The following KANK4 variants were observed in gnomAD, a reference collection of about 807,000 sequenced individuals.
KANK4 encodes the protein KN motif and ankyrin repeat domains 4, also known as KN motif and ankyrin repeat domain-containing protein 4.
A neutral mutation model predicts 80.8 loss-of-function variants in KANK4; 50 were observed. The observed-to-expected ratio is 0.62, with a 90% CI of 0.49 to 0.78. The LOEUF (loss-of-function observed/expected upper bound fraction) is 0.78. Among genes scored for constraint, KANK4 ranks in the 30% least tolerant of loss-of-function variants. The pLI is 0.00. For missense variants in KANK4, 1,196 were observed against 1,240.1 expected (o/e 0.96, Z 0.53); for synonymous variants, 465 against 506.9 (o/e 0.92, Z 1.11).
intron 2 of KANK4, among the ~76,000 whole-genome samples, chr1:62,279,196 G>GCACACACACA (rs1457451049): frequency 7.7e-5 from 4 of 51,674 alleles, no homozygotes; most frequent in African/African-American, 2.5e-4. Context: ...AAGCTAGCGC[G>GCACACACACA]CGCACACACA....
At chr1:62,303,268 G>C (rs1434091163) in intron 1 of KANK4, among the ~76,000 whole-genome samples, 1 of 152,072 alleles carries the variant, frequency 6.6e-6, no homozygotes, top group Non-Finnish European at 1.5e-5. Flanking sequence ...AAATGGGACA[G>C]TAAAGTTTAA....
chr1:62,271,829 T>G, intron 3 of KANK4: 1 of 436,096 alleles, frequency 2.3e-6, no homozygotes, highest in Non-Finnish European at 4.3e-6. Flanking sequence ...TGAAGAACCA[T>G]GTGGCGTAGG....
chr1:62,246,738 C>T (rs1010452769), intron 9 of KANK4, among the ~76,000 whole-genome samples: 1 of 152,000 alleles, frequency 6.6e-6, no homozygotes, highest in Middle Eastern at 3.2e-3. Context: ...GCTGGGATTA[C>T]AGGCGTGCAC....
intron 1 of KANK4, among the ~76,000 whole-genome samples, chr1:62,311,425 C>A (rs1644497882): frequency 6.6e-6 from 1 of 152,132 alleles, no homozygotes; most frequent in Non-Finnish European, 1.5e-5. Context: ...AACACAACCA[C>A]TACTCTAATA....
chr1:62,283,589 C>T (rs866448985), intron 1 of KANK4, among the ~76,000 whole-genome samples: 2 of 152,164 alleles, frequency 1.3e-5, no homozygotes, highest in Admixed American at 1.3e-4. Context: ...CTGACTGGTG[C>T]TTCTCTGCCT....
intron 6 of KANK4, among the ~76,000 whole-genome samples, chr1:62,265,731 T>A (rs1005039514): frequency 3.9e-5 from 6 of 152,232 alleles, no homozygotes; most frequent in African/African-American, 1.4e-4. Flanking sequence ...ACAGCTGCTC[T>A]CATAACTTGG....
chr1:62,264,802 A>ATTTTGTT (rs1361688426), intron 6 of KANK4, among the ~76,000 whole-genome samples: 3 of 152,094 alleles, frequency 2.0e-5, no homozygotes, highest in Non-Finnish European at 4.4e-5. Flanking sequence ...AGAGGGGTGG[A>ATTTTGTT]TTTTGTTTTT....
Position 62,238,344 on chromosome 1 carries a change from G to A in KANK4, c.2921C>T (p.Pro974Leu), listed in dbSNP as rs1029861707. The change falls in exon 10 of 10, where the codon CCC (proline) becomes CTC (leucine). Residue 974 changes from proline (P) to leucine (L), a missense_variant. Transcript: ENST00000371153. ...RTALSIALKS[P>L]THMEIAGLLR... ...AAGCCCAGCAATTTCCATATGGGTGGGTGACTTCAGAGCGATGGACAAAGC... is the reference window on the plus strand; with the variant it reads ...AAGCCCAGCAATTTCCATATGGGTGAGTGACTTCAGAGCGATGGACAAAGC... 6.2e-7 allele frequency: 1 copy of A among 1,614,046 alleles called. No homozygotes were observed. The highest frequency in any genetic ancestry group is 1.3e-5 in the African/African-American group (1 of 75,032).
At chr1:62,306,329 C>T (rs535319493) in intron 1 of KANK4, among the ~76,000 whole-genome samples, 10 of 152,052 alleles carry the variant, frequency 6.6e-5, no homozygotes, top group Non-Finnish European at 1.0e-4. Context: ...TAATTAATGA[C>T]TTGCAATATG....
chr1:62,298,229 T>G (rs1571038753), intron 1 of KANK4: 1 of 152,336 alleles, frequency 6.6e-6, no homozygotes. Flanking sequence ...CATTCCAATT[T>G]TGGTATATTT....
Position 62,293,391 on chromosome 1 carries a change from G to A in KANK4, c.-70-11757C>T, listed in dbSNP as rs539645835. Among the ~76,000 whole-genome samples, 8 of 152,052 alleles carry A rather than the reference G, an allele frequency of 5.3e-5. No individual in the cohort carries two copies. In the East Asian group the frequency reaches 1.4e-3, roughly 26 times the overall value. On this transcript the variant is annotated intron_variant, in intron 1 of 9. Coordinates refer to ENST00000371153, the MANE Select transcript of KANK4 (RefSeq NM_181712.5). ...ATTACAGGTGTGAGCCACCATGCCC[G>A]GCCTCAATTCTTGAAATCTATAATT...
intron 7 of KANK4, among the ~76,000 whole-genome samples, chr1:62,257,267 T>C (rs1366274364): frequency 6.6e-6 from 1 of 152,170 alleles, no homozygotes; most frequent in Non-Finnish European, 1.5e-5. Flanking sequence ...TTTGTATTTT[T>C]AGTAGAGATG....
chr1:62,289,077 G>A (rs1489928845), intron 1 of KANK4, among the ~76,000 whole-genome samples: 2 of 152,086 alleles, frequency 1.3e-5, no homozygotes. Context: ...TTTTGTTGTT[G>A]TTCTGTTTTG....
chr1:62,267,909 T>A (rs1672063311), intron 5 of KANK4, among the ~76,000 whole-genome samples: 1 of 152,160 alleles, frequency 6.6e-6, no homozygotes, highest in Non-Finnish European at 1.5e-5. Context: ...GTCCCTATTC[T>A]GCTAGCTGCG....
chr1:62,287,024 C>A (rs752360305), intron 1 of KANK4, among the ~76,000 whole-genome samples: 2 of 152,196 alleles, frequency 1.3e-5, no homozygotes, highest in Non-Finnish European at 2.9e-5. Flanking sequence ...CTAACTGCAG[C>A]GCAGACCAGA....
At chr1:62,301,057 G>A (rs1644408050) in intron 1 of KANK4, among the ~76,000 whole-genome samples, 2 of 151,982 alleles carry the variant, frequency 1.3e-5, no homozygotes, top group Admixed American at 1.3e-4. Flanking sequence ...TTGTCTTCCT[G>A]ACTGAGTTTC....
intron 1 of KANK4, among the ~76,000 whole-genome samples, chr1:62,291,591 C>T (rs1672679072): frequency 6.6e-6 from 1 of 152,130 alleles, no homozygotes; most frequent in African/African-American, 2.4e-5. Context: ...CAGGTGCATA[C>T]CACCAGGTAC....
chr1:62,267,095 G>A (rs115270559), intron 5 of KANK4, among the ~76,000 whole-genome samples: 179 of 152,198 alleles, frequency 1.2e-3, no homozygotes, highest in Middle Eastern at 6.8e-3. Flanking sequence ...TTTAGGTGGG[G>A]GGTCGTGGTA....
At chr1:62,238,463 G>A in intron 9 of KANK4, 82 bp from the exon 10 acceptor site, 1 of 1,088,166 alleles carries the variant, frequency 9.2e-7, no homozygotes, top group South Asian at 1.3e-5. Context: ...TGGGAGTAGA[G>A]GGTATGCCTG....
Sources: gnomAD v4.1 joint callset for allele counts (sites outside exome capture counted in the v4.1 genomes callset) on GRCh38, gnomAD v4.1.1 for gene constraint, MANE v1.5 for transcripts, NCBI Gene and HGNC (gene_info 2026-07-23, HGNC 2026-07-21) for gene names.